The following SRRM4 variants were observed in gnomAD, a reference collection of about 807,000 sequenced individuals.
SRRM4 encodes serine/arginine repetitive matrix protein 4.
In SRRM4, 33 loss-of-function variants were observed where a neutral mutation model predicts 68.9. The ratio of observed to expected loss-of-function variants is 0.48; its 90% CI spans 0.36 to 0.64. The LOEUF is 0.64. Among genes scored for constraint, SRRM4 ranks in the 30% least tolerant of loss-of-function variants. SRRM4 has a pLI of 0.00. For synonymous variants in SRRM4, 318 were observed against 318.8 expected (o/e 1.00, Z 0.03); for missense variants, 817 against 827.1 (o/e 0.99, Z 0.15).
At chr12:118,987,408 C>T (rs1594014919) in intron 1 of SRRM4, among the ~76,000 whole-genome samples, 2 of 152,184 alleles carry the variant, frequency 1.3e-5, no homozygotes, top group East Asian at 3.9e-4. Context: ...GTGGACTGGA[C>T]TCCTGAGCAG....
At position 119,161,895 on chromosome 12, in the gene SRRM4, AT is replaced by A. The variant is rs1458141285; in HGVS notation, c.*5098del. On this transcript the variant is annotated 3_prime_UTR_variant, in exon 13 of 13. Coordinates refer to ENST00000267260, the MANE Select transcript of SRRM4 (RefSeq NM_194286.4). Reference sequence around the variant, plus strand: ...AAGTCACAACTCCTTGAAAAAAAAAATAAAGAAAAATTGTAAACTCTTTTTT... The same window carrying A: ...AAGTCACAACTCCTTGAAAAAAAAAAAAAGAAAAATTGTAAACTCTTTTTT... The A allele has an allele frequency of 6.6e-6, 1 of 152,248 alleles. No homozygotes were observed. The highest frequency in any genetic ancestry group is 2.4e-5 in the African/African-American group (1 of 41,450). 9.4% of individuals were successfully genotyped at this position (152,248 alleles called of 1,614,324 possible).
chr12:119,104,233 T>C (rs1954093907), intron 2 of SRRM4, among the ~76,000 whole-genome samples: 1 of 152,106 alleles, frequency 6.6e-6, no homozygotes. Context: ...GAGGAAATCC[T>C]AAGATATGTT....
chr12:119,122,936 T>C (rs1189944491), intron 6 of SRRM4, among the ~76,000 whole-genome samples: 1 of 152,144 alleles, frequency 6.6e-6, no homozygotes, highest in Admixed American at 6.5e-5. Context: ...AGTTTATAGC[T>C]GGTAGTAGAA....
intron 2 of SRRM4, among the ~76,000 whole-genome samples, chr12:119,102,764 C>A (rs575004056): frequency 4.5e-4 from 69 of 152,292 alleles, no homozygotes; most frequent in African/African-American, 1.4e-3. Context: ...GCCACTGACT[C>A]CCAAATCATA....
At chr12:119,036,800 G>C (rs1594037515) in intron 1 of SRRM4, 1 of 152,428 alleles carries the variant, frequency 6.6e-6, no homozygotes, top group Non-Finnish European at 1.5e-5. Context: ...AGTGTTCTGT[G>C]ATGCCCATAT....
intron 1 of SRRM4, among the ~76,000 whole-genome samples, chr12:119,030,230 C>T (rs1202877040): frequency 1.3e-5 from 2 of 152,186 alleles, no homozygotes; most frequent in South Asian, 4.1e-4. Flanking sequence ...GAGAGAGCAA[C>T]TCAAAGAACC....
At chr12:119,146,804 C>T (rs994389061) in intron 9 of SRRM4, among the ~76,000 whole-genome samples, 2 of 150,612 alleles carry the variant, frequency 1.3e-5, no homozygotes, top group Non-Finnish European at 3.0e-5. Flanking sequence ...GGCATAGTGG[C>T]GGGCGCCTGT....
At chr12:119,125,548 T>A in intron 7 of SRRM4, 69 bp downstream of exon 7, 2 of 1,321,882 alleles carry the variant, frequency 1.5e-6, no homozygotes, top group Non-Finnish European at 2.2e-6. Flanking sequence ...CTGTTAACAC[T>A]AGCTTCGCCT....
intron 4 of SRRM4, among the ~76,000 whole-genome samples, chr12:119,119,077 CAGTT>C (rs1354411066): frequency 7.0e-6 from 1 of 143,270 alleles, no homozygotes; most frequent in Non-Finnish European, 1.5e-5. Flanking sequence ...TGTCTCTCCT[CAGTT>C]AGCAAGGCTT....
chr12:119,094,027 G>A (rs1178806411), intron 1 of SRRM4, among the ~76,000 whole-genome samples: 1 of 152,136 alleles, frequency 6.6e-6, no homozygotes, highest in Non-Finnish European at 1.5e-5. Context: ...AAGAAATGCT[G>A]AGCTGATTTT....
chr12:119,023,818 G>C (rs1953530787), intron 1 of SRRM4, among the ~76,000 whole-genome samples: 1 of 151,968 alleles, frequency 6.6e-6, no homozygotes, highest in African/African-American at 2.4e-5. Flanking sequence ...CATTGTTTCA[G>C]ACCCAACATA....
At chr12:119,058,206 G>A (rs1417517346) in intron 1 of SRRM4, among the ~76,000 whole-genome samples, 3 of 151,732 alleles carry the variant, frequency 2.0e-5, no homozygotes, top group African/African-American at 7.3e-5. Flanking sequence ...ATACATTTTG[G>A]GATGTACTAA....
At chr12:119,064,106 T>C (rs893348959) in intron 1 of SRRM4, among the ~76,000 whole-genome samples, 3 of 152,348 alleles carry the variant, frequency 2.0e-5, no homozygotes, top group East Asian at 1.9e-4. Flanking sequence ...AGCAACTCCA[T>C]TGATTTACAA....
chr12:119,075,546 T>C (rs1243068606), intron 1 of SRRM4, among the ~76,000 whole-genome samples: 15 of 151,554 alleles, frequency 9.9e-5, no homozygotes, highest in Non-Finnish European at 1.8e-4. Context: ...GTAGCAATGA[T>C]GGTGATGATG....
chr12:119,098,426 A>T (rs1954058005), intron 1 of SRRM4, among the ~76,000 whole-genome samples: 1 of 152,252 alleles, frequency 6.6e-6, no homozygotes, highest in Non-Finnish European at 1.5e-5. Context: ...AGCCCAAAGC[A>T]TCTCAAAAGC....
At chr12:119,084,571 G>A (rs1201875455) in intron 1 of SRRM4, among the ~76,000 whole-genome samples, 2 of 152,166 alleles carry the variant, frequency 1.3e-5, no homozygotes, top group Non-Finnish European at 2.9e-5. Flanking sequence ...CCTCTCCCTT[G>A]CTGGCTTGAT....
intron 1 of SRRM4, among the ~76,000 whole-genome samples, chr12:119,057,380 G>A (rs908011958): frequency 3.3e-5 from 5 of 152,022 alleles, no homozygotes; most frequent in Non-Finnish European, 7.4e-5. Flanking sequence ...ACCATGTGTT[G>A]TTCCCCTCCC....
intron 1 of SRRM4, among the ~76,000 whole-genome samples, chr12:119,045,647 C>CGT (rs1291968358): frequency 1.3e-5 from 2 of 152,052 alleles, no homozygotes; most frequent in African/African-American, 4.8e-5. Flanking sequence ...TCATCAGCAC[C>CGT]GTGTGACTTT....
intron 1 of SRRM4, among the ~76,000 whole-genome samples, chr12:119,051,403 G>A (rs1565897843): frequency 6.6e-6 from 1 of 152,198 alleles, no homozygotes; most frequent in African/African-American, 2.4e-5. Flanking sequence ...AAGGCTCAGA[G>A]ATGTGTCTTA....
Sources: gnomAD v4.1 joint callset for allele counts (sites outside exome capture counted in the v4.1 genomes callset) on GRCh38, gnomAD v4.1.1 for gene constraint, MANE v1.5 for transcripts, NCBI Gene and HGNC (gene_info 2026-07-23, HGNC 2026-07-21) for gene names.